Variants in CTSB observed in about 807,000 individuals in gnomAD.
CTSB encodes cathepsin B.
A neutral mutation model predicts 44.3 loss-of-function variants in CTSB; 57 were observed. The ratio of observed to expected loss-of-function variants is 1.29; its 90% CI spans 1.04 to 1.60. CTSB has a LOEUF of 1.60. Ranked by LOEUF, CTSB falls within the 40% of genes most tolerant of loss-of-function variation. CTSB has a pLI of 0.00. For missense variants in CTSB, 768 were observed against 443.0 expected, an observed-to-expected ratio of 1.73 and a Z score of -6.59; for synonymous variants, 320 against 168.0, an observed-to-expected ratio of 1.91 and a Z score of -7.00.
chr8:11,845,809 C>G lies in CTSB; in HGVS notation c.794-20G>C, dbSNP rs1041872590. On this transcript the variant is annotated intron_variant, in intron 8 of 9. Transcript: ENST00000353047. The stretch of plus-strand genomic sequence containing the variant: ...ACACTCCTGAAAAGGGAAGAACTGG[C>G]TGAGACCGAGACCGGGCCACTGTCC... 3.7e-6 allele frequency: 6 copies of G among 1,602,008 alleles called. No homozygotes were observed. The African/African-American group carries it at 6.7e-5, about 18-fold the overall frequency.
At chr8:11,852,955 C>A (rs1250887254) in intron 2 of CTSB, among the ~76,000 whole-genome samples, 1 of 152,136 alleles carries the variant, frequency 6.6e-6, no homozygotes, top group African/African-American at 2.4e-5. Context: ...GGTTCTCAGT[C>A]CGAGGGTCAG....
At chr8:11,856,196 G>A (rs1178008763) in intron 1 of CTSB, among the ~76,000 whole-genome samples, 1 of 138,376 alleles carries the variant, frequency 7.2e-6, no homozygotes, top group African/African-American at 2.7e-5. Context: ...TGGGGTGGGT[G>A]GGCACAACCA....
Position 11,845,096 on chromosome 8 carries a change from C to G in CTSB, c.*29G>C, listed in dbSNP as rs778777797. ...TGCATTTCTACCCCGATCTCGCCCC[C>G]AGGACTGGCACGACAGGCCCACGGC... On this transcript the variant is annotated 3_prime_UTR_variant, in exon 10 of 10. Transcript: ENST00000353047. The G allele has an allele frequency of 1.4e-5, 21 of 1,481,938 alleles. No homozygotes were observed. The East Asian group carries it at 4.5e-4, about 32-fold the overall frequency. The allele number at this position is 1,481,938 out of a possible 1,614,324, so 91.8% of individuals were successfully genotyped here.
chr8:11,847,653 C>T (rs1813653301), intron 7 of CTSB, 26 bp downstream of exon 7: 2 of 1,508,898 alleles, frequency 1.3e-6, no homozygotes, highest in South Asian at 1.4e-5. Context: ...TCCACGTGCG[C>T]CGTGGCCAGG....
chr8:11,864,632 G>C (rs940199074), intron 1 of CTSB: 2 of 152,186 alleles, frequency 1.3e-5, no homozygotes, highest in South Asian at 4.1e-4. Flanking sequence ...CGGACGATAA[G>C]GCTTGAAACT....
chr8:11,862,123 C>T (rs560288040), intron 1 of CTSB, among the ~76,000 whole-genome samples: 26 of 148,558 alleles, frequency 1.8e-4, no homozygotes, highest in South Asian at 1.3e-3. Context: ...AGGAGAATGG[C>T]GTGAACCCGG....
chr8:11,849,523 G>T (rs2645422), intron 4 of CTSB: 32 of 172,354 alleles, frequency 1.9e-4, no homozygotes, highest in Admixed American at 5.7e-4. Context: ...CCTGGAAACT[G>T]GGTTCATTTC....
intron 1 of CTSB, chr8:11,855,031 T>C (rs1815282546): frequency 1.3e-5 from 2 of 152,290 alleles, no homozygotes; most frequent in Admixed American, 6.5e-5. Flanking sequence ...CAGAATTGTT[T>C]TGTTTTTTTG....
intron 5 of CTSB, 150 bp from the exon 6 acceptor site, chr8:11,848,302 C>T: frequency 1.4e-6 from 1 of 716,372 alleles, no homozygotes; most frequent in Non-Finnish European, 2.5e-6. Context: ...CCCAAACCCT[C>T]CAAGGGACGC....
In CTSB at chr8:11,849,155, C is replaced by A. The variant is rs764453338; in HGVS notation, c.337G>T (p.Ala113Ser). Residue 113 changes from alanine to serine, a missense_variant, in exon 5 of 10, where the codon GCT becomes TCT. Ala to Ser is a moderately conservative substitution (Grantham distance 99, BLOSUM62 1). Coordinates refer to ENST00000353047, the MANE Select transcript of CTSB (RefSeq NM_001908.5). ...GSCGSCWAFG[A>S]VEAISDRICI... is the part of the protein sequence containing the mutation. Reference sequence around the variant, plus strand: ...ATCCGGTCAGAGATGGCTTCCACAGCCCCGAAGGCCTGCAGGAACGAGCCC... The same window carrying A: ...ATCCGGTCAGAGATGGCTTCCACAGACCCGAAGGCCTGCAGGAACGAGCCC... 6.2e-7 allele frequency: 1 copy of A among 1,612,108 alleles called. No individual in the cohort carries two copies. Among genetic ancestry groups the A allele is most frequent in the Non-Finnish European group, 8.5e-7 (1 of 1,179,600 alleles).
At chr8:11,864,318 GAAAAAAAAAAAAAAAA>G (rs35885912) in intron 1 of CTSB, 1 of 45,570 alleles carries the variant, frequency 2.2e-5, no homozygotes, top group Non-Finnish European at 3.5e-5. Flanking sequence ...CTCTACCAAC[GAAAAAAAAAAAAAAAA>G]AAAAAAAAAC....
chr8:11,848,200 C>T, intron 5 of CTSB, 48 bp from the exon 6 acceptor site: 2 of 1,526,518 alleles, frequency 1.3e-6, no homozygotes, highest in Middle Eastern at 1.7e-4. Flanking sequence ...GCACCACCAG[C>T]TCTCCAGACC....
intron 8 of CTSB, 115 bp from the exon 9 acceptor site, chr8:11,845,904 C>A (rs779501024): frequency 3.8e-6 from 5 of 1,300,346 alleles, no homozygotes; most frequent in Non-Finnish European, 5.1e-6. Flanking sequence ...CCAGAGGGAA[C>A]CTGCTGCTCC....
intron 4 of CTSB, among the ~76,000 whole-genome samples, chr8:11,849,826 C>T (rs549966381): frequency 2.6e-5 from 4 of 152,140 alleles, no homozygotes; most frequent in Non-Finnish European, 5.9e-5. Context: ...GGTGATCCGC[C>T]TGCCTCAGCC....
chr8:11,860,076 A>G (rs963177332), intron 1 of CTSB, among the ~76,000 whole-genome samples: 10 of 151,190 alleles, frequency 6.6e-5, no homozygotes, highest in East Asian at 5.8e-4. Context: ...TGTCTCAGAG[A>G]AAAAAAAAGA....
rs1388918118 is a variant in CTSB at position 11,843,668 on chromosome 8, G to C, written c.*1457C>G. The C allele has an allele frequency of 6.6e-6, 1 of 152,238 alleles. No individual in the cohort carries two copies. Among genetic ancestry groups the C allele is most frequent in the Non-Finnish European group, 1.5e-5 (1 of 68,052 alleles). 9.4% of individuals were successfully genotyped at this position (152,238 alleles called of 1,614,324 possible). A position where few individuals can be genotyped will look rare whatever the true frequency, so the allele number is the denominator to read the frequency against. On this transcript the variant is annotated 3_prime_UTR_variant, in exon 10 of 10. Coordinates refer to ENST00000353047, the MANE Select transcript of CTSB (RefSeq NM_001908.5). ...CCCCACGGGGTAGCATCTTGGTTAT[G>C]TGAGATCACCAAGACACCAAGCCTG...
At chr8:11,858,802 G>GT (rs1249643454) in intron 1 of CTSB, among the ~76,000 whole-genome samples, 1 of 152,220 alleles carries the variant, frequency 6.6e-6, no homozygotes. Flanking sequence ...GATGGTGAAA[G>GT]TGACAAGCTG....
Position 11,845,229 on chromosome 8 carries a change from A to G in CTSB, c.923-7T>C. 6.2e-7 allele frequency: 1 copy of G among 1,604,190 alleles called. No homozygotes were observed. The highest frequency in any genetic ancestry group is 1.1e-5 in the South Asian group (1 of 90,756). ...CTGAGTATTTTAAAGAAGCCTGGGA[A>G]TAAAAAGTAAGGTGCTTTTAAAGTG... On this transcript the variant is annotated splice_polypyrimidine_tract_variant and splice_region_variant and intron_variant, in intron 9 of 9. Transcript: ENST00000353047.
rs1814477724 is a variant in CTSB at position 11,850,922 on chromosome 8, G to C, written c.271C>G (p.Pro91Ala). 6.2e-7 allele frequency: 1 copy of C among 1,613,566 alleles called. No homozygotes were observed. The highest frequency in any genetic ancestry group is 1.1e-5 in the South Asian group (1 of 91,036). The change falls in exon 4 of 10, where the codon CCA (proline) becomes GCA (alanine). Residue 91 changes from proline to alanine, a missense_variant. Coordinates refer to ENST00000353047, the MANE Select transcript of CTSB (RefSeq NM_001908.5). The stretch of plus-strand genomic sequence containing the variant: ...ATCTCTTTGATGGTGGGACACTGTG[G>C]CCATTGTTCCCGTGCATCGAAGCTT... ...PASFDAREQW[P>A]QCPTIKEIRD...
Sources: gnomAD v4.1 joint callset for allele counts (sites outside exome capture counted in the v4.1 genomes callset) on GRCh38, gnomAD v4.1.1 for gene constraint, MANE v1.5 for transcripts, NCBI Gene and HGNC (gene_info 2026-07-23, HGNC 2026-07-21) for gene names.